The following BMPR1A variants were observed in gnomAD, a reference collection of about 807,000 sequenced individuals.
BMPR1A encodes bone morphogenetic protein receptor type-1A.
BMPR1A carries 7 observed loss-of-function variants against 66.0 expected under a neutral mutation model. The ratio of observed to expected loss-of-function variants is 0.11; its 90% CI spans 0.06 to 0.20. BMPR1A has a LOEUF of 0.20. Ranked by LOEUF, BMPR1A falls within the 10% of genes least tolerant of loss-of-function variation. The pLI is 1.00. For synonymous variants in BMPR1A, 200 were observed against 229.7 expected (o/e 0.87, Z 1.17); for missense variants, 408 against 669.1 (o/e 0.61, Z 4.31).
chr10:86,805,323 A>G (rs1564690577), intron 1 of BMPR1A, among the ~76,000 whole-genome samples: 2 of 151,128 alleles, frequency 1.3e-5, no homozygotes, highest in Non-Finnish European at 2.9e-5. Context: ...AGTTTTTAAC[A>G]TTTTCCCATA....
chr10:86,895,404 G>T (rs968611579), intron 5 of BMPR1A, among the ~76,000 whole-genome samples: 6 of 152,028 alleles, frequency 3.9e-5, no homozygotes, highest in African/African-American at 1.4e-4. Context: ...CAGGCGTGGT[G>T]GTGCGTGCCT....
intron 1 of BMPR1A, among the ~76,000 whole-genome samples, chr10:86,805,570 T>C (rs982843399): frequency 6.7e-5 from 10 of 148,844 alleles, no homozygotes; most frequent in Admixed American, 2.1e-4. Context: ...CAAGCAATTC[T>C]CCTGCCTCAG....
chr10:86,845,284 C>T (rs535691408), intron 2 of BMPR1A, among the ~76,000 whole-genome samples: 14 of 152,338 alleles, frequency 9.2e-5, no homozygotes, highest in South Asian at 6.2e-4. Context: ...GTTCCCCCTG[C>T]GGGCAGCTGG....
chr10:86,819,447 C>T (rs980857268), intron 1 of BMPR1A, among the ~76,000 whole-genome samples: 2 of 151,988 alleles, frequency 1.3e-5, no homozygotes, highest in East Asian at 1.9e-4. Context: ...AGTACAGGCA[C>T]GCGCCACCAT....
chr10:86,804,501 G>A (rs1418604189), intron 1 of BMPR1A, among the ~76,000 whole-genome samples: 2 of 152,082 alleles, frequency 1.3e-5, no homozygotes, highest in Admixed American at 1.3e-4. Flanking sequence ...CCAAAGTGCT[G>A]GGATTACAGG....
intron 5 of BMPR1A, among the ~76,000 whole-genome samples, chr10:86,896,215 C>CAG (rs1465764695): frequency 3.4e-5 from 5 of 149,012 alleles, no homozygotes; most frequent in Non-Finnish European, 3.0e-5. Context: ...GCCTGGGAGG[C>CAG]AGAGGTTGTA....
At chr10:86,877,209 CTTT>C (rs10645210) in intron 3 of BMPR1A, among the ~76,000 whole-genome samples, 6 of 138,362 alleles carry the variant, frequency 4.3e-5, no homozygotes, top group Admixed American at 7.2e-5. Flanking sequence ...ATATTTTCAT[CTTT>C]TTTTTTTTTT....
At chr10:86,835,340 C>T (rs990600023) in intron 1 of BMPR1A, among the ~76,000 whole-genome samples, 1 of 148,774 alleles carries the variant, frequency 6.7e-6, no homozygotes, top group South Asian at 2.1e-4. Flanking sequence ...CTGAGGCGGG[C>T]GGATCATGAG....
chr10:86,846,291 C>T (rs529222813), intron 2 of BMPR1A, among the ~76,000 whole-genome samples: 4 of 152,276 alleles, frequency 2.6e-5, no homozygotes, highest in African/African-American at 9.6e-5. Context: ...TATGTAGAGC[C>T]TTCCTCTCTG....
intron 9 of BMPR1A, among the ~76,000 whole-genome samples, chr10:86,918,853 C>A (rs1179087812): frequency 6.6e-6 from 1 of 152,140 alleles, no homozygotes; most frequent in Non-Finnish European, 1.5e-5. Context: ...GAGCTCCTGA[C>A]CTCAAGTGAT....
intron 2 of BMPR1A, chr10:86,855,406 T>G: frequency 1.3e-6 from 1 of 768,956 alleles, no homozygotes. Context: ...TTTGGCAAAT[T>G]TTCTGTTAAA....
chr10:86,906,882 T>C (rs11202255), intron 7 of BMPR1A, among the ~76,000 whole-genome samples: 6,052 of 152,274 alleles, frequency 0.04, 411 homozygotes, highest in African/African-American at 0.14. Context: ...TTTTTTCTCT[T>C]TGTATTTTAG....
At chr10:86,850,019 T>TA (rs946980729) in intron 2 of BMPR1A, among the ~76,000 whole-genome samples, 1 of 151,856 alleles carries the variant, frequency 6.6e-6, no homozygotes, top group South Asian at 2.1e-4. Context: ...GAGTGGAAGT[T>TA]AAAAAAAATT....
intron 1 of BMPR1A, among the ~76,000 whole-genome samples, chr10:86,787,911 G>C (rs1158942937): frequency 6.7e-6 from 1 of 149,480 alleles, no homozygotes; most frequent in African/African-American, 2.5e-5. Flanking sequence ...TCATCTCCCA[G>C]CAGGCCCCAC....
chr10:86,809,553 C>G (rs897399023), intron 1 of BMPR1A, among the ~76,000 whole-genome samples: 2 of 150,924 alleles, frequency 1.3e-5, no homozygotes, highest in African/African-American at 2.4e-5. Flanking sequence ...CTCAGTCTTC[C>G]AAAGTCCGGG....
intron 2 of BMPR1A, among the ~76,000 whole-genome samples, chr10:86,859,635 C>T (rs372748239): frequency 9.2e-5 from 14 of 152,100 alleles, no homozygotes; most frequent in African/African-American, 2.9e-4. Context: ...GCCTGGCCAA[C>T]GCCATCTCTA....
chr10:86,828,123 C>G (rs7078191), intron 1 of BMPR1A, among the ~76,000 whole-genome samples: 79,406 of 152,118 alleles, frequency 0.52, 22,858 homozygotes, highest in African/African-American at 0.76. Flanking sequence ...CTGCACTCTA[C>G]CCTGGGTGAC....
At chr10:86,779,087 C>A (rs1176066569) in intron 1 of BMPR1A, among the ~76,000 whole-genome samples, 2 of 151,992 alleles carry the variant, frequency 1.3e-5, no homozygotes, top group Non-Finnish European at 2.9e-5. Context: ...TTTTTTATGA[C>A]TGAGGAGTAT....
intron 1 of BMPR1A, among the ~76,000 whole-genome samples, chr10:86,784,784 T>A (rs903131611): frequency 1.2e-4 from 18 of 152,192 alleles, no homozygotes; most frequent in African/African-American, 4.3e-4. Flanking sequence ...GTTGTCTAAA[T>A]TGTTGGCATG....
Sources: allele counts gnomAD v4.1 joint callset (sites outside exome capture counted in the v4.1 genomes callset), GRCh38; gene constraint gnomAD v4.1.1; transcripts MANE v1.5; gene names NCBI Gene and HGNC (gene_info 2026-07-23, HGNC 2026-07-21).